KIF9: variants seen among roughly 807,000 people sequenced by gnomAD.
The protein encoded by KIF9 is kinesin family member 9.
Under a neutral mutation model 94.8 loss-of-function variants are expected in KIF9, and 68 were observed. The ratio of observed to expected loss-of-function variants is 0.72; its 90% CI spans 0.59 to 0.88. KIF9 has a LOEUF of 0.88. Ranked by LOEUF, KIF9 falls within the 40% of genes least tolerant of loss-of-function variation. The pLI is 0.00. For synonymous variants in KIF9, 343 were observed against 362.1 expected, an observed-to-expected ratio of 0.95 and a Z score of 0.60; for missense variants, 882 against 982.5, an observed-to-expected ratio of 0.90 and a Z score of 1.37.
At chr3:47,237,131 G>A (rs1699085781) in intron 17 of KIF9, among the ~76,000 whole-genome samples, 1 of 152,024 alleles carries the variant, frequency 6.6e-6, no homozygotes, top group Non-Finnish European at 1.5e-5. Flanking sequence ...GTCTCGCCTT[G>A]TTGCCCAGGC....
Position 47,236,561 on chromosome 3 carries a change from G to A in KIF9, c.1983C>T (p.Leu661=). 6.2e-7 allele frequency: 1 copy of A among 1,613,976 alleles called. No homozygotes were observed. The highest frequency in any genetic ancestry group is 2.2e-5 in the East Asian group (1 of 44,896). The change falls in exon 18 of 21, where the codon CTC becomes CTT. Residue 661 remains leucine (L), a synonymous_variant. Coordinates refer to ENST00000684063, the MANE Select transcript of KIF9 (RefSeq NM_182902.4). Reference sequence around the variant, plus strand: ...ACTGCTTCTTGAGGTCTTTGAGCTTGAGGATCAGCAGGAATTCTTCCTCAT... The same window carrying A: ...ACTGCTTCTTGAGGTCTTTGAGCTTAAGGATCAGCAGGAATTCTTCCTCAT... ...IIDEEEFLLI[L]KLKDLKKQYR...
chr3:47,256,089 T>C (rs1700566492), intron 10 of KIF9, among the ~76,000 whole-genome samples: 1 of 152,192 alleles, frequency 6.6e-6, no homozygotes, highest in South Asian at 2.1e-4. Flanking sequence ...TGGAGTGCAG[T>C]GGCGTGATCT....
chr3:47,272,835 AT>A (rs1701731238), intron 4 of KIF9, among the ~76,000 whole-genome samples: 1 of 152,216 alleles, frequency 6.6e-6, no homozygotes, highest in African/African-American at 2.4e-5. Flanking sequence ...TATTAAGGGT[AT>A]TGCTCCAAAA....
intron 1 of KIF9, chr3:47,282,216 G>A: frequency 1.0e-6 from 1 of 985,526 alleles, no homozygotes. Flanking sequence ...GAAGAGTCCA[G>A]ACGACCTCTG....
At chr3:47,230,357 C>G (rs1232227850) in intron 20 of KIF9, among the ~76,000 whole-genome samples, 1 of 151,750 alleles carries the variant, frequency 6.6e-6, no homozygotes, top group Non-Finnish European at 1.5e-5. Context: ...GCAGGAGGAT[C>G]CCTTGAGTCT....
Position 47,236,509 on chromosome 3 carries a change from C to T in KIF9, c.2035G>A (p.Asp679Asn), listed in dbSNP as rs1407632342. 1 of 1,613,990 alleles carries T rather than the reference C, an allele frequency of 6.2e-7. No individual in the cohort carries two copies. The highest frequency in any genetic ancestry group is 1.1e-5 in the South Asian group (1 of 91,072). ...QYRSEYQDLRDLRAEIQYCQH... is the reference protein window; with the variant it reads ...QYRSEYQDLRNLRAEIQYCQH... ...CAATACTGGATCTCAGCCCTGAGGT[C>T]ACGCAGGTCCTGGTACTCGCTGCGG... The change falls in exon 18 of 21, where the codon GAC (aspartate) becomes AAC (asparagine). Residue 679 changes from aspartate (D) to asparagine (N), a missense_variant. By Grantham distance (23) the Asp-to-Asn change is conservative. Transcript: ENST00000684063.
At chr3:47,244,197 G>C (rs1699770989) in intron 15 of KIF9, 1 of 152,766 alleles carries the variant, frequency 6.5e-6, no homozygotes, top group Non-Finnish European at 1.5e-5. Context: ...GTGACCCCTT[G>C]GGTGTGAGAA....
At chr3:47,257,588 ATGGC>A in intron 9 of KIF9, 28 bp from the exon 10 acceptor site, 1 of 1,598,592 alleles carries the variant, frequency 6.3e-7, no homozygotes, top group Non-Finnish European at 8.6e-7. Context: ...TAGACATTAG[ATGGC>A]TCGCCACTAA....
chr3:47,247,526 C>T (rs933571914), intron 11 of KIF9, 49 bp from the exon 12 acceptor site: 2 of 1,437,774 alleles, frequency 1.4e-6, no homozygotes, highest in Non-Finnish European at 2.0e-6. Context: ...AACCTGAGCC[C>T]ACAGGGGAGT....
In KIF9 at chr3:47,236,546, GA is replaced by G. The variant is rs1291571718; in HGVS notation, c.1997del (p.Leu666ProfsTer25). 1 of 1,614,082 alleles carries G rather than the reference GA, an allele frequency of 6.2e-7. No individual in the cohort carries two copies. The highest frequency in any genetic ancestry group is 1.3e-5 in the African/African-American group (1 of 75,060). On this transcript the variant is annotated frameshift_variant, in exon 18 of 21. Coordinates refer to ENST00000684063, the MANE Select transcript of KIF9 (RefSeq NM_182902.4). LOFTEE classifies it high-confidence loss of function. Reference protein sequence around the residue: ...EFLLILKLKDLKKQYRSEYQD... With the variant: ...EFLLILKLKDXKKQYRSEYQD... ...GGTACTCGCTGCGGTACTGCTTCTT[GA>G]GGTCTTTGAGCTTGAGGATCAGCAG...
At position 47,230,436 on chromosome 3, in the gene KIF9, T is replaced by C. The variant is rs549129981; in HGVS notation, c.2323-1734A>G. Among the ~76,000 whole-genome samples, 6 of 151,764 alleles carry C rather than the reference T, an allele frequency of 4.0e-5. No homozygotes were observed. The East Asian group carries it at 9.7e-4, about 25-fold the overall frequency. On this transcript the variant is annotated intron_variant, in intron 20 of 20. Transcript: ENST00000684063. ...CTATTTTTAAAAAATTGTTTTTAATTAAAAAGAAAAAGAATGCCAGGCACG... is the reference window on the plus strand; with the variant it reads ...CTATTTTTAAAAAATTGTTTTTAATCAAAAAGAAAAAGAATGCCAGGCACG...
At chr3:47,268,697 C>T (rs1381566930) in intron 5 of KIF9, among the ~76,000 whole-genome samples, 1 of 151,756 alleles carries the variant, frequency 6.6e-6, no homozygotes, top group Non-Finnish European at 1.5e-5. Context: ...ATCCTCCTAC[C>T]TCAGCCTCCC....
rs1254972021 is a variant in KIF9 at position 47,245,517 on chromosome 3, G to A, written c.1290-6C>T. ...CCACTTCCTGTTCCTGTTGGCTTGG[G>A]AGACAGCAAGAGAGAACAGCTTGTA... On this transcript the variant is annotated splice_polypyrimidine_tract_variant and splice_region_variant and intron_variant, in intron 13 of 20. Coordinates refer to ENST00000684063, the MANE Select transcript of KIF9 (RefSeq NM_182902.4). 6.2e-7 allele frequency: 1 copy of A among 1,606,750 alleles called. No homozygotes were observed. Among genetic ancestry groups the A allele is most frequent in the Admixed American group, 1.7e-5 (1 of 60,014 alleles).
chr3:47,239,797 T>C (rs373733694), intron 17 of KIF9: 133 of 1,366,254 alleles, frequency 9.7e-5, no homozygotes, highest in Non-Finnish European at 1.3e-4. Flanking sequence ...GTGAGTGAGA[T>C]GATGCATCTG....
intron 10 of KIF9, chr3:47,250,611 T>C (rs1700211700): frequency 2.1e-6 from 1 of 474,780 alleles, no homozygotes; most frequent in African/African-American, 2.0e-5. Context: ...ATCACACTCA[T>C]GAACTACAAA....
intron 20 of KIF9, among the ~76,000 whole-genome samples, chr3:47,234,710 A>C (rs1389586294): frequency 6.7e-6 from 1 of 148,642 alleles, no homozygotes; most frequent in Non-Finnish European, 1.5e-5. Context: ...ATGTGCCACC[A>C]CGCCTGGCTA....
At chr3:47,236,416 GGC>G in intron 18 of KIF9, 25 bp downstream of exon 18, 1 of 1,611,024 alleles carries the variant, frequency 6.2e-7, no homozygotes, top group Non-Finnish European at 8.5e-7. Flanking sequence ...TACCTCAGGT[GGC>G]GGCCAACCTT....
rs772965509 is a variant in KIF9, at chr3:47,243,230, C to G, written c.1530G>C (p.Lys510Asn). ...FKEPLSSLARKEGASSPVNGK... is the reference protein window; with the variant it reads ...FKEPLSSLARNEGASSPVNGK... ...CATTCACAGGGCTGCTGGCACCTTC[C>G]TTTCTTGCCAAGGAGCTGGAAGAAG... Residue 510 changes from lysine to asparagine, a missense_variant, in exon 16 of 21, where the codon AAG becomes AAC. Lys to Asn is a moderately conservative substitution (Grantham distance 94, BLOSUM62 0). Coordinates refer to ENST00000684063, the MANE Select transcript of KIF9 (RefSeq NM_182902.4). 6.2e-6 allele frequency: 10 copies of G among 1,609,844 alleles called. No homozygotes were observed. The highest frequency in any genetic ancestry group is 1.1e-5 in the South Asian group (1 of 90,886).
Position 47,244,929 on chromosome 3 carries a change from A to C in KIF9, c.1381-5T>G. On this transcript the variant is annotated splice_polypyrimidine_tract_variant and splice_region_variant and intron_variant, in intron 14 of 20. Coordinates refer to ENST00000684063, the MANE Select transcript of KIF9 (RefSeq NM_182902.4). ...ATCAACATCCACAAGCCCCGCCTAC[A>C]TAGAGAGGCCAGCCAAAGGTCTGTG... The C allele has an allele frequency of 6.8e-6, 11 of 1,614,022 alleles. No individual in the cohort carries two copies. The highest frequency in any genetic ancestry group is 9.3e-6 in the Non-Finnish European group (11 of 1,179,922).
Sources: gnomAD v4.1 joint callset for allele counts (sites outside exome capture counted in the v4.1 genomes callset) on GRCh38, gnomAD v4.1.1 for gene constraint, MANE v1.5 for transcripts, NCBI Gene and HGNC (gene_info 2026-07-23, HGNC 2026-07-21) for gene names.